The following CD9 variants were observed in gnomAD, a reference collection of about 807,000 sequenced individuals.
CD9 encodes the protein CD9 molecule.
In CD9, 10 loss-of-function variants were observed where a neutral mutation model predicts 31.4. The ratio of observed to expected loss-of-function variants is 0.32; its 90% CI spans 0.20 to 0.54. The LOEUF (loss-of-function observed/expected upper bound fraction) is 0.54, where lower values mean the gene tolerates loss of function less well. CD9 is among the 20% of genes least tolerant of loss of function. CD9 has a pLI of 0.94. For synonymous variants in CD9, 113 were observed against 114.1 expected (o/e 0.99, Z 0.06); for missense variants, 259 against 300.1 (o/e 0.86, Z 1.01).
chr12:6,210,598 G>A (rs1429488795), intron 1 of CD9, among the ~76,000 whole-genome samples: 2 of 152,212 alleles, frequency 1.3e-5, no homozygotes, highest in Admixed American at 6.5e-5. Flanking sequence ...TCCTTCCGGT[G>A]CAGATGGGCT....
chr12:6,201,281 A>G (rs527649838), intron 1 of CD9, among the ~76,000 whole-genome samples: 2 of 150,148 alleles, frequency 1.3e-5, no homozygotes, highest in African/African-American at 2.4e-5. Flanking sequence ...TTCAAGGACG[A>G]TAAGTATCTT....
chr12:6,233,256 T>G, intron 3 of CD9, 156 bp from the exon 4 acceptor site: 1 of 651,862 alleles, frequency 1.5e-6, no homozygotes, highest in Non-Finnish European at 2.8e-6. Context: ...CTGCCTGTTC[T>G]GTGAACTTCT....
chr12:6,224,669 A>T (rs1248584865), intron 1 of CD9, among the ~76,000 whole-genome samples: 2 of 152,124 alleles, frequency 1.3e-5, no homozygotes, highest in African/African-American at 2.4e-5. Context: ...GAGGCCTGTG[A>T]GTCACTCCCC....
At chr12:6,202,899 C>G (rs1318675349) in intron 1 of CD9, among the ~76,000 whole-genome samples, 1 of 152,200 alleles carries the variant, frequency 6.6e-6, no homozygotes, top group Non-Finnish European at 1.5e-5. Context: ...CCTGGGGCCC[C>G]TACTTTACTT....
chr12:6,221,574 A>G (rs949129871), intron 1 of CD9, among the ~76,000 whole-genome samples: 1 of 152,108 alleles, frequency 6.6e-6, no homozygotes, highest in African/African-American at 2.4e-5. Context: ...GGACTCCTAT[A>G]TTCTCATTTA....
intron 1 of CD9, among the ~76,000 whole-genome samples, chr12:6,203,355 C>T (rs1238549928): frequency 2.6e-5 from 4 of 152,138 alleles, no homozygotes; most frequent in South Asian, 2.1e-4. Flanking sequence ...TCACCACGTC[C>T]GTTTCTCTCT....
chr12:6,228,234 A>G (rs900218086), intron 2 of CD9, among the ~76,000 whole-genome samples: 19 of 152,110 alleles, frequency 1.2e-4, no homozygotes, highest in African/African-American at 3.9e-4. Flanking sequence ...GTAAAGTTAG[A>G]ACAGCAGCAC....
At chr12:6,202,240 G>A (rs1400231207) in intron 1 of CD9, among the ~76,000 whole-genome samples, 1 of 152,152 alleles carries the variant, frequency 6.6e-6, no homozygotes, top group African/African-American at 2.4e-5. Flanking sequence ...ACGGCATATA[G>A]GTGTGCTCCT....
At chr12:6,233,231 C>T in intron 3 of CD9, 181 bp from the exon 4 acceptor site, 1 of 641,326 alleles carries the variant, frequency 1.6e-6, no homozygotes, top group Non-Finnish European at 2.8e-6. Flanking sequence ...TGGCCTCTGT[C>T]CTGGGCTTGG....
In CD9 at chr12:6,235,209, C is replaced by T. The variant is rs71579339; in HGVS notation, c.349-20C>T. On this transcript the variant is annotated intron_variant, in intron 4 of 7. Transcript: ENST00000009180. The stretch of plus-strand genomic sequence containing the variant: ...ATGTGAAAATGCCGTCTCTGCCCCT[C>T]TCTCGTCTGCCCATTGTAGGTGATT... The T allele has an allele frequency of 4.7e-3, 7,202 of 1,544,060 alleles. 35 individuals carry two copies. The highest frequency in any genetic ancestry group is 4.7e-3 in the Non-Finnish European group (5,276 of 1,118,576).
intron 2 of CD9, among the ~76,000 whole-genome samples, chr12:6,227,812 G>A (rs1353669515): frequency 2.6e-5 from 4 of 152,200 alleles, no homozygotes; most frequent in East Asian, 1.9e-4. Flanking sequence ...ATGGGGTGGC[G>A]CTGTCTTGGC....
intron 7 of CD9, chr12:6,236,622 C>T: frequency 2.4e-6 from 1 of 423,990 alleles, no homozygotes. Context: ...GAAAGTCGTT[C>T]ACTAGAGGCT....
At chr12:6,215,229 G>T (rs1189731604) in intron 1 of CD9, among the ~76,000 whole-genome samples, 2 of 152,180 alleles carry the variant, frequency 1.3e-5, no homozygotes, top group Non-Finnish European at 2.9e-5. Flanking sequence ...CTCAGAGGAA[G>T]CTCACACCTC....
rs11568219 is a variant in CD9 at position 6,216,998 on chromosome 12, G to T, written c.67-8428G>T. On this transcript the variant is annotated intron_variant, in intron 1 of 7. Coordinates refer to ENST00000009180, the MANE Select transcript of CD9 (RefSeq NM_001769.4). The stretch of plus-strand genomic sequence containing the variant: ...TATTTAATCCTCTCCTTCAACCTAC[G>T]TTGAAGGCAGGACAGGTATCATACT... Among the ~76,000 whole-genome samples, 687 of 152,174 alleles carry T rather than the reference G, an allele frequency of 4.5e-3. 4 individuals are homozygous for T. The highest frequency in any genetic ancestry group is 7.0e-3 in the Non-Finnish European group (477 of 68,026).
intron 1 of CD9, among the ~76,000 whole-genome samples, chr12:6,218,947 T>G (rs11568225): frequency 2.0e-5 from 3 of 152,084 alleles, no homozygotes; most frequent in Non-Finnish European, 2.9e-5. Context: ...CTTTGAGGGA[T>G]GGGGGTGCTG....
chr12:6,210,390 C>T (rs1946182372), intron 1 of CD9, among the ~76,000 whole-genome samples: 1 of 152,202 alleles, frequency 6.6e-6, no homozygotes, highest in Non-Finnish European at 1.5e-5. Flanking sequence ...ACTATATGAC[C>T]AGTGGAACCA....
chr12:6,216,383 C>T (rs1342928940), intron 1 of CD9, among the ~76,000 whole-genome samples: 2 of 152,170 alleles, frequency 1.3e-5, no homozygotes, highest in African/African-American at 2.4e-5. Context: ...GACTAATGCT[C>T]TCCCAAGTTT....
At chr12:6,230,178 C>T (rs1231936471) in intron 2 of CD9, among the ~76,000 whole-genome samples, 1 of 152,194 alleles carries the variant, frequency 6.6e-6, no homozygotes, top group Admixed American at 6.5e-5. Context: ...TCCCCGAACA[C>T]AGCTGCCAGG....
rs890773249 is a variant in CD9 at position 6,207,565 on chromosome 12, A to G, written c.66+7000A>G. ...AGCTTTTCCCAGAGCTTGGTGCTTC[A>G]TCTTTGTTCAGGAAGAAAGGAGGTC... On this transcript the variant is annotated intron_variant, in intron 1 of 7. Transcript: ENST00000009180. 2.6e-5 allele frequency among the ~76,000 whole-genome samples: 4 copies of G among 152,226 alleles called. No individual in the cohort carries two copies. In the South Asian group the frequency reaches 6.2e-4, roughly 24 times the overall value.
Sources: allele counts gnomAD v4.1 joint callset (sites outside exome capture counted in the v4.1 genomes callset), GRCh38; gene constraint gnomAD v4.1.1; transcripts MANE v1.5; gene names NCBI Gene and HGNC (gene_info 2026-07-23, HGNC 2026-07-21).